Variants in CNTNAP5 observed in about 807,000 individuals in gnomAD.
CNTNAP5 encodes contactin associated protein family member 5, also known as contactin-associated protein-like 5.
Under a neutral mutation model 150.2 loss-of-function variants are expected in CNTNAP5, and 72 were observed. The observed-to-expected ratio is 0.48, with a 90% CI of 0.40 to 0.58. The LOEUF is 0.58. Ranked by LOEUF, CNTNAP5 falls within the 20% of genes least tolerant of loss-of-function variation. CNTNAP5 has a pLI of 0.00. For missense variants in CNTNAP5, 1,636 were observed against 1,626.2 expected (o/e 1.01, Z -0.10); for synonymous variants, 672 against 619.8 (o/e 1.08, Z -1.25).
At chr2:124,076,229 T>C (rs1682434443) in intron 1 of CNTNAP5, among the ~76,000 whole-genome samples, 1 of 152,148 alleles carries the variant, frequency 6.6e-6, no homozygotes, top group Non-Finnish European at 1.5e-5. Flanking sequence ...GAACCCTGAC[T>C]GTGATCTCTG....
chr2:124,026,229 G>A (rs1680884437), intron 1 of CNTNAP5, among the ~76,000 whole-genome samples: 1 of 152,176 alleles, frequency 6.6e-6, no homozygotes, highest in African/African-American at 2.4e-5. Flanking sequence ...TCCAGTTGGG[G>A]TATCTTGCAA....
intron 1 of CNTNAP5, among the ~76,000 whole-genome samples, chr2:124,121,873 A>C (rs1290943215): frequency 1.3e-5 from 2 of 152,220 alleles, no homozygotes; most frequent in Non-Finnish European, 2.9e-5. Context: ...AATGAGGTTA[A>C]ATAAAATCAC....
At chr2:124,281,911 A>C (rs1382625852) in intron 3 of CNTNAP5, among the ~76,000 whole-genome samples, 1 of 152,128 alleles carries the variant, frequency 6.6e-6, no homozygotes, top group Non-Finnish European at 1.5e-5. Context: ...CCAGGAGCAC[A>C]TAATTTCTCC....
chr2:124,211,079 A>T (rs372361624), intron 1 of CNTNAP5, among the ~76,000 whole-genome samples: 1 of 152,334 alleles, frequency 6.6e-6, no homozygotes, highest in East Asian at 1.9e-4. Flanking sequence ...CCTAAAAAGT[A>T]TACTATGTTT....
intron 8 of CNTNAP5, among the ~76,000 whole-genome samples, chr2:124,514,141 A>G (rs529245653): frequency 6.6e-6 from 1 of 152,350 alleles, no homozygotes; most frequent in South Asian, 2.1e-4. Flanking sequence ...TATCACAACA[A>G]GCACAGAGTT....
intron 19 of CNTNAP5, among the ~76,000 whole-genome samples, chr2:124,817,033 A>G (rs1027045762): frequency 9.2e-5 from 14 of 152,244 alleles, no homozygotes; most frequent in African/African-American, 3.4e-4. Context: ...CCACATAAGT[A>G]GTCCTTATTA....
intron 1 of CNTNAP5, among the ~76,000 whole-genome samples, chr2:124,113,904 A>G (rs1421575442): frequency 6.6e-6 from 1 of 151,872 alleles, no homozygotes; most frequent in Non-Finnish European, 1.5e-5. Context: ...CACCTTTGCT[A>G]TATATCAAGT....
At chr2:124,539,564 C>G (rs1695327983) in intron 10 of CNTNAP5, among the ~76,000 whole-genome samples, 2 of 152,184 alleles carry the variant, frequency 1.3e-5, no homozygotes, top group Admixed American at 6.5e-5. Flanking sequence ...TGTATCTTAG[C>G]TCCCCTAGTT....
intron 3 of CNTNAP5, among the ~76,000 whole-genome samples, chr2:124,403,677 A>G (rs989569645): frequency 2.0e-5 from 3 of 152,194 alleles, no homozygotes; most frequent in Non-Finnish European, 4.4e-5. Context: ...TCAAAGAGGA[A>G]TTACAGTCCG....
intron 12 of CNTNAP5, among the ~76,000 whole-genome samples, chr2:124,623,749 G>C (rs1333361356): frequency 2.6e-5 from 4 of 152,166 alleles, no homozygotes; most frequent in Admixed American, 2.0e-4. Flanking sequence ...TCATCCTAGG[G>C]AGGAGCTCAC....
chr2:124,187,031 G>T (rs1685349884), intron 1 of CNTNAP5, among the ~76,000 whole-genome samples: 1 of 152,100 alleles, frequency 6.6e-6, no homozygotes, highest in South Asian at 2.1e-4. Context: ...GAGGGCTAAG[G>T]TAGAAACAAA....
At chr2:124,674,515 C>CTTTCTTTCT (rs1268365605) in intron 13 of CNTNAP5, among the ~76,000 whole-genome samples, 1 of 102,872 alleles carries the variant, frequency 9.7e-6, no homozygotes, top group Non-Finnish European at 1.9e-5. Context: ...CTTTCTCTTT[C>CTTTCTTTCT]TTTCTTTCTT....
At chr2:124,467,274 C>A (rs115437427) in intron 6 of CNTNAP5, among the ~76,000 whole-genome samples, 8 of 151,920 alleles carry the variant, frequency 5.3e-5, no homozygotes, top group African/African-American at 1.9e-4. Flanking sequence ...GTTGGTTTAA[C>A]CAGCTATGCT....
chr2:124,212,829 CTTTTTTTT>C (rs66534077), intron 1 of CNTNAP5, among the ~76,000 whole-genome samples: 1 of 62,872 alleles, frequency 1.6e-5, no homozygotes, highest in Non-Finnish European at 2.7e-5. Context: ...GTAGATAAAT[CTTTTTTTT>C]TTTTTTTTTT....
At chr2:124,170,191 T>A (rs756250312) in intron 1 of CNTNAP5, among the ~76,000 whole-genome samples, 6 of 152,006 alleles carry the variant, frequency 3.9e-5, no homozygotes, top group Non-Finnish European at 7.4e-5. Flanking sequence ...GCAGGCAGCA[T>A]ATGGTGATAG....
At chr2:124,071,052 T>C (rs746726802) in intron 1 of CNTNAP5, among the ~76,000 whole-genome samples, 3 of 151,926 alleles carry the variant, frequency 2.0e-5, no homozygotes, top group Non-Finnish European at 4.4e-5. Context: ...TTGAAAACTA[T>C]ACAAACACAT....
intron 1 of CNTNAP5, among the ~76,000 whole-genome samples, chr2:124,031,665 T>A (rs1322993908): frequency 6.6e-6 from 1 of 152,170 alleles, no homozygotes; most frequent in African/African-American, 2.4e-5. Flanking sequence ...GACTTCAGTA[T>A]CAAGTTGGAG....
At chr2:124,254,942 C>T (rs1280449718) in intron 3 of CNTNAP5, among the ~76,000 whole-genome samples, 2 of 152,132 alleles carry the variant, frequency 1.3e-5, no homozygotes, top group Admixed American at 6.5e-5. Context: ...AAGATATTAT[C>T]TAACAAGGAT....
chr2:124,598,521 G>T lies in CNTNAP5; in HGVS notation c.1757-11280G>T, dbSNP rs1187007125. On this transcript the variant is annotated intron_variant, in intron 11 of 23. Coordinates refer to ENST00000682447, the MANE Select transcript of CNTNAP5 (RefSeq NM_001367498.1). ...CCCATTCTCAGATCTCCAGCTGCGT[G>T]CTGGGAGAACCACTGCTCTCTTCAA... Among the ~76,000 whole-genome samples the T allele has an allele frequency of 1.8e-4, 21 of 118,270 alleles. No individual in the cohort carries two copies. In the East Asian group the frequency reaches 3.7e-3, roughly 21 times the overall value. The allele number at this position is 118,270 out of a possible 152,430, so 77.6% of individuals were successfully genotyped here. A position where few individuals can be genotyped will look rare whatever the true frequency, so the allele number is the denominator to read the frequency against.
Sources: allele counts gnomAD v4.1 joint callset (sites outside exome capture counted in the v4.1 genomes callset), GRCh38; gene constraint gnomAD v4.1.1; transcripts MANE v1.5; gene names NCBI Gene and HGNC (gene_info 2026-07-23, HGNC 2026-07-21).